Variants in MMP10 observed in about 807,000 individuals in gnomAD.
MMP10 encodes matrix metallopeptidase 10.
MMP10 carries 50 observed loss-of-function variants against 49.1 expected under a neutral mutation model. The ratio of observed to expected loss-of-function variants is 1.02; its 90% CI spans 0.81 to 1.29. The LOEUF (loss-of-function observed/expected upper bound fraction) is 1.29, where lower values mean the gene tolerates loss of function less well. Among genes scored for constraint, MMP10 ranks in the 50% most tolerant of loss-of-function variants. The pLI is 0.00. For missense variants in MMP10, 613 were observed against 563.8 expected (o/e 1.09, Z -0.88); for synonymous variants, 229 against 201.6 (o/e 1.14, Z -1.15).
rs546321512 is a variant in MMP10 at position 102,775,221 on chromosome 11, C to T, written c.1033G>A (p.Val345Ile). 1.4e-5 allele frequency: 23 copies of T among 1,607,072 alleles called. No homozygotes were observed. The South Asian group carries it at 2.1e-4, about 15-fold the overall frequency. Residue 345 changes from valine to isoleucine, a missense_variant, in exon 7 of 10, where the codon GTT (valine) becomes ATT (isoleucine). By Grantham distance (29) the Val-to-Ile change is conservative. Transcript: ENST00000279441. ...LPSYLDAAYEVNSRDTVFIFK... is the reference protein window; with the variant it reads ...LPSYLDAAYEINSRDTVFIFK... The stretch of plus-strand genomic sequence containing the variant: ...ATAAAAACGGTGTCCCTGCTGTTAA[C>T]TTCATATGCAGCATCCAAATATGAT...
intron 5 of MMP10, 71 bp from the exon 6 acceptor site, chr11:102,776,495 T>A (rs780951832): frequency 2.5e-6 from 4 of 1,586,012 alleles, no homozygotes; most frequent in African/African-American, 1.4e-5. Context: ...TGTGTGCCTT[T>A]CAAACATTCT....
intron 6 of MMP10, 113 bp downstream of exon 6, chr11:102,776,167 A>C: frequency 1.1e-6 from 1 of 898,704 alleles, no homozygotes; most frequent in Non-Finnish European, 1.7e-6. Context: ...ACAAACCTGC[A>C]CATGTACCCC....
Position 102,778,617 on chromosome 11 carries a change from G to A in MMP10, c.622+7C>T, listed in dbSNP as rs760665292. The A allele has an allele frequency of 9.9e-6, 16 of 1,613,604 alleles. No individual in the cohort carries two copies. Among genetic ancestry groups the A allele is most frequent in the Non-Finnish European group, 1.4e-5 (16 of 1,179,842 alleles). ...CCTGAAATGTTCCCGAGAGGTTTACGACCCACCTGATGCATCTTCTGTCCA... is the reference window on the plus strand; with the variant it reads ...CCTGAAATGTTCCCGAGAGGTTTACAACCCACCTGATGCATCTTCTGTCCA... On this transcript the variant is annotated splice_region_variant and intron_variant, in intron 4 of 9. Transcript: ENST00000279441.
intron 3 of MMP10, among the ~76,000 whole-genome samples, chr11:102,778,998 C>T (rs1857785002): frequency 1.3e-5 from 2 of 152,182 alleles, no homozygotes; most frequent in Admixed American, 6.5e-5. Flanking sequence ...ACCTCCTGGC[C>T]CTTTCTATCG....
At position 102,780,618 on chromosome 11, in the gene MMP10, A is replaced by C. The variant is rs753496159; in HGVS notation, c.-27T>G. On this transcript the variant is annotated 5_prime_UTR_variant, in exon 1 of 10. Transcript: ENST00000279441. ...CTCACTGCCCTTACCTTCTTTGTCTACTGGGCTTCTAGCTCTACCCCCTAG... is the reference window on the plus strand; with the variant it reads ...CTCACTGCCCTTACCTTCTTTGTCTCCTGGGCTTCTAGCTCTACCCCCTAG... The C allele has an allele frequency of 1.2e-6, 2 of 1,600,396 alleles. No homozygotes were observed. Among genetic ancestry groups the C allele is most frequent in the South Asian group, 2.2e-5 (2 of 89,672 alleles).
At chr11:102,773,738 C>T (rs1160864209) in intron 7 of MMP10, among the ~76,000 whole-genome samples, 1 of 152,166 alleles carries the variant, frequency 6.6e-6, no homozygotes, top group Non-Finnish European at 1.5e-5. Context: ...ACTTTAAGAC[C>T]CATCCTAACA....
At chr11:102,770,949 C>G in intron 9 of MMP10, 56 bp from the exon 10 acceptor site, 1 of 1,158,968 alleles carries the variant, frequency 8.6e-7, no homozygotes, top group South Asian at 1.3e-5. Flanking sequence ...CATTTTGCAA[C>G]ACATATAACT....
rs916334650 is a variant in MMP10 at position 102,779,212 on chromosome 11, C to T, written c.496+1G>A. On this transcript the variant is annotated splice_donor_variant, in intron 3 of 9. Coordinates refer to ENST00000279441, the MANE Select transcript of MMP10 (RefSeq NM_002425.3). LOFTEE classifies it high-confidence loss of function. ...GATAAATGGATGCTTTATTTGATTA[C>T]CTTTAACTGCAAAAGAGATCATTAT... 21 of 1,612,438 alleles carry T rather than the reference C, an allele frequency of 1.3e-5. No homozygotes were observed. The African/African-American group carries it at 1.3e-4, about 10-fold the overall frequency.
At position 102,776,295 on chromosome 11, in the gene MMP10, A is replaced by G. The variant is rs772508348; in HGVS notation, c.917T>C (p.Leu306Pro). 3 of 1,613,606 alleles carry G rather than the reference A, an allele frequency of 1.9e-6. No homozygotes were observed. Among genetic ancestry groups the G allele is most frequent in the Non-Finnish European group, 2.5e-6 (3 of 1,179,808 alleles). ...CTGGTCTGACCTGTCTTTAAAGAAC[A>G]GATATTCTCCCCTCAGAGTGCTGAT... ...DAISTLRGEY[L>P]FFKDRYFWRR... is the part of the protein sequence containing the mutation. The change falls in exon 6 of 10, where the codon CTG (leucine) becomes CCG (proline). Residue 306 changes from leucine (L) to proline (P), a missense_variant. Leu to Pro is a moderately conservative substitution (Grantham distance 98). Coordinates refer to ENST00000279441, the MANE Select transcript of MMP10 (RefSeq NM_002425.3).
chr11:102,773,914 A>G (rs1861998002), intron 7 of MMP10, among the ~76,000 whole-genome samples: 1 of 152,180 alleles, frequency 6.6e-6, no homozygotes, highest in African/African-American at 2.4e-5. Flanking sequence ...ACCTCCACCA[A>G]TGAGAATGGC....
chr11:102,780,265 C>T (rs1320525227), intron 1 of MMP10, among the ~76,000 whole-genome samples: 1 of 152,198 alleles, frequency 6.6e-6, no homozygotes, highest in East Asian at 1.9e-4. Flanking sequence ...TATACTGCTA[C>T]TATTTTATTG....
chr11:102,776,131 C>A, intron 6 of MMP10, 149 bp downstream of exon 6: 1 of 610,602 alleles, frequency 1.6e-6, no homozygotes, highest in Non-Finnish European at 2.7e-6. Flanking sequence ...TACAACAAAC[C>A]CCTGTGACAC....
chr11:102,772,774 G>A lies in MMP10; in HGVS notation c.1226+73C>T, dbSNP rs17860992. The A allele has an allele frequency of 0.13, 194,555 of 1,490,174 alleles. 14,078 individuals are homozygous for A. The highest frequency in any genetic ancestry group is 0.17 in the Middle Eastern group (933 of 5,526). 92.3% of individuals were successfully genotyped at this position (1,490,174 alleles called of 1,614,324 possible). Reference sequence around the variant, plus strand: ...AAGTTAGAGGGTGGGTGTAGGGTAGGGAAATATCCTTAAAGAAAGAAAATA... The same window carrying A: ...AAGTTAGAGGGTGGGTGTAGGGTAGAGAAATATCCTTAAAGAAAGAAAATA... On this transcript the variant is annotated intron_variant, in intron 8 of 9. Transcript: ENST00000279441. This position sits in a 1 kb window ranked among gnomAD's most constrained non-coding sequence, Gnocchi z 4.4.
rs1861967132 is a variant in MMP10, at chr11:102,770,736, G to A, written c.*57C>T. ...AACCATTTTGGCTCATAATACATTA[G>A]ATGAATAATTATTAGATTTATTAAA... On this transcript the variant is annotated 3_prime_UTR_variant, in exon 10 of 10. Transcript: ENST00000279441. 1 of 1,170,654 alleles carries A rather than the reference G, an allele frequency of 8.5e-7. No individual in the cohort carries two copies. Among genetic ancestry groups the A allele is most frequent in the Admixed American group, 2.1e-5 (1 of 47,372 alleles). 72.5% of individuals were successfully genotyped at this position (1,170,654 alleles called of 1,614,324 possible).
Position 102,770,891 on chromosome 11 carries a change from A to C in MMP10, c.1333T>G (p.Phe445Val). The change falls in exon 10 of 10, where the codon TTT becomes GTT. Residue 445 changes from phenylalanine to valine, a missense_variant and splice_region_variant. Physicochemically the swap from Phe to Val is conservative, Grantham distance 50 (BLOSUM62 -1). Transcript: ENST00000279441. ...GATGATCCACTGAAGAAGTAGAAAA[A>C]TCCTGTAAATATAGATAAGGAAAAT... ...KVDAVLQAFG[F>V]FYFFSGSSQF... The C allele has an allele frequency of 6.2e-7, 1 of 1,601,530 alleles. No homozygotes were observed. The highest frequency in any genetic ancestry group is 8.5e-7 in the Non-Finnish European group (1 of 1,170,326).
intron 4 of MMP10, among the ~76,000 whole-genome samples, chr11:102,777,403 G>T (rs545010981): frequency 6.6e-6 from 1 of 151,776 alleles, no homozygotes; most frequent in Non-Finnish European, 1.5e-5. Flanking sequence ...TTACAGGCAC[G>T]TGCTACCATG....
At chr11:102,779,881 C>A in intron 1 of MMP10, 136 bp from the exon 2 acceptor site, 1 of 976,952 alleles carries the variant, frequency 1.0e-6, no homozygotes, top group Non-Finnish European at 1.4e-6. Context: ...TTCATTAAGA[C>A]TCCCCATTTC....
intron 3 of MMP10, 134 bp downstream of exon 3, chr11:102,779,079 A>G (rs17860953): frequency 0.13 from 171,693 of 1,306,944 alleles, 12,634 homozygotes; most frequent in Middle Eastern, 0.17. Flanking sequence ...TGGCACCTTA[A>G]TCTTGGACTT....
chr11:102,779,770 G>A (rs370091906), intron 1 of MMP10, 25 bp from the exon 2 acceptor site: 3 of 1,584,600 alleles, frequency 1.9e-6, no homozygotes, highest in South Asian at 2.3e-5. Flanking sequence ...AATTTTTAGG[G>A]CATTTTTGTG....
Sources: allele counts gnomAD v4.1 joint callset (sites outside exome capture counted in the v4.1 genomes callset), GRCh38; gene constraint gnomAD v4.1.1; non-coding constraint Gnocchi (gnomAD v3.1); transcripts MANE v1.5; gene names NCBI Gene and HGNC (gene_info 2026-07-23, HGNC 2026-07-21).